Variants in F11R observed in about 807,000 individuals in gnomAD.
F11R encodes junctional adhesion molecule A.
A neutral mutation model predicts 39.3 loss-of-function variants in F11R; 27 were observed. The observed-to-expected ratio is 0.69, with a 90% confidence interval of 0.51 to 0.95. The LOEUF is 0.95. Ranked by LOEUF, F11R falls within the 40% of genes least tolerant of loss-of-function variation. The pLI is 0.00. For synonymous variants in F11R, 131 were observed against 144.9 expected, an observed-to-expected ratio of 0.90 and a Z score of 0.69; for missense variants, 335 against 372.7, an observed-to-expected ratio of 0.90 and a Z score of 0.83.
rs1648178251 is a variant in F11R, at chr1:160,997,164, C to T, written c.*1707G>A. On this transcript the variant is annotated 3_prime_UTR_variant, in exon 10 of 10. Transcript: ENST00000368026. Reference sequence around the variant, plus strand: ...TGGGGAGGAAGAAAGCAATGACAGCCAGGCTGTCCGGCTCATTCCTGTTCA... The same window carrying T: ...TGGGGAGGAAGAAAGCAATGACAGCTAGGCTGTCCGGCTCATTCCTGTTCA... The T allele has an allele frequency of 6.6e-6, 1 of 152,324 alleles. No individual in the cohort carries two copies. Among genetic ancestry groups the T allele is most frequent in the Non-Finnish European group, 1.5e-5 (1 of 68,038 alleles). The allele number at this position is 152,324 out of a possible 1,614,324, so 9.4% of individuals were successfully genotyped here. A position where few individuals can be genotyped will look rare whatever the true frequency, so the allele number is the denominator to read the frequency against.
chr1:161,003,138 T>C (rs2101972004), intron 1 of F11R, among the ~76,000 whole-genome samples: 1 of 150,226 alleles, frequency 6.7e-6, no homozygotes, highest in African/African-American at 2.4e-5. Flanking sequence ...TTTTTTTTTT[T>C]TTGAGACAGA....
chr1:161,011,845 A>G (rs1233858621), intron 1 of F11R, among the ~76,000 whole-genome samples: 1 of 152,204 alleles, frequency 6.6e-6, no homozygotes, highest in Non-Finnish European at 1.5e-5. Context: ...ATAGAATTAC[A>G]TGTGATTTTA....
chr1:161,000,107 G>C, intron 5 of F11R, 39 bp downstream of exon 5: 2 of 1,606,638 alleles, frequency 1.2e-6, no homozygotes, highest in Non-Finnish European at 1.7e-6. Context: ...TTCTATAACT[G>C]CATCCCCCAC....
intron 8 of F11R, 131 bp downstream of exon 8, chr1:160,999,265 G>A: frequency 6.9e-7 from 1 of 1,446,018 alleles, no homozygotes; most frequent in East Asian, 2.3e-5. Context: ...GAAAGGGCTG[G>A]ATATCCAAAT....
chr1:161,019,045 A>C lies in F11R; in HGVS notation c.64+1965T>G, dbSNP rs945278382. Among the ~76,000 whole-genome samples, 29 of 152,190 alleles carry C rather than the reference A, an allele frequency of 1.9e-4. 1 individual carries two copies. Among genetic ancestry groups the C allele is most frequent in the Admixed American group, 1.4e-3 (21 of 15,258 alleles). On this transcript the variant is annotated intron_variant, in intron 1 of 9. Transcript: ENST00000368026. ...AGGATAGGGAGTAAGCAGCTCCAGG[A>C]AGCTTTTAAGCCTGACAAATACTGT...
In F11R at chr1:161,001,177, C is replaced by T. The variant is rs920319197; in HGVS notation, c.134-50G>A. Reference sequence around the variant, plus strand: ...GAAGGAAGAAGCAGCAGCAAATACACGAGATGGGGAACAGCCCCAAACTGC... The same window carrying T: ...GAAGGAAGAAGCAGCAGCAAATACATGAGATGGGGAACAGCCCCAAACTGC... On this transcript the variant is annotated intron_variant, in intron 2 of 9. Transcript: ENST00000368026. 5.0e-6 allele frequency: 8 copies of T among 1,601,090 alleles called. No individual in the cohort carries two copies. The Admixed American group carries it at 5.0e-5, about 10-fold the overall frequency.
At position 161,021,114 on chromosome 1, in the gene F11R, T is replaced by G. The variant is rs1213834882; in HGVS notation, c.-41A>C. On this transcript the variant is annotated 5_prime_UTR_variant, in exon 1 of 10. Coordinates refer to ENST00000368026, the MANE Select transcript of F11R (RefSeq NM_016946.6). ...GACACAACAGCCGCCGAAGGACTCC[T>G]GGGAACAGACACAGCTCCGCGACTA... The G allele has an allele frequency of 6.3e-7, 1 of 1,578,200 alleles. No homozygotes were observed. Among genetic ancestry groups the G allele is most frequent in the South Asian group, 1.1e-5 (1 of 90,212 alleles).
intron 8 of F11R, 85 bp downstream of exon 8, chr1:160,999,311 C>T: frequency 6.3e-7 from 1 of 1,586,780 alleles, no homozygotes; most frequent in Non-Finnish European, 8.7e-7. Flanking sequence ...TGCCTTCAAC[C>T]CATTCCCCTA....
At position 160,999,408 on chromosome 1, in the gene F11R, C is replaced by A. The variant is rs1571005702; in HGVS notation, c.803G>T (p.Arg268Ile). The A allele has an allele frequency of 1.2e-6, 2 of 1,614,186 alleles. No individual in the cohort carries two copies. The highest frequency in any genetic ancestry group is 1.7e-6 in the Non-Finnish European group (2 of 1,180,036). The change falls in exon 8 of 10, where the codon AGA (arginine) becomes ATA (isoleucine). Residue 268 changes from arginine to isoleucine, a missense_variant and splice_region_variant. Arg to Ile is a moderately conservative substitution (Grantham distance 97). Coordinates refer to ENST00000368026, the MANE Select transcript of F11R (RefSeq NM_016946.6). ...WFAYSRGHFD[R>I]TKKGTSSKKV... The stretch of plus-strand genomic sequence containing the variant: ...GCACCTCACTCACCCTTTCTTTGTT[C>A]CTGAAAGAGAAGAAATGGGATCATG...
chr1:161,007,711 A>G (rs1170450284), intron 1 of F11R, among the ~76,000 whole-genome samples: 5 of 152,244 alleles, frequency 3.3e-5, no homozygotes, highest in African/African-American at 1.2e-4. Context: ...TCATCTGTTC[A>G]TAGGCCCTTC....
At chr1:161,000,897 G>A (rs776911393) in intron 3 of F11R, 120 bp from the exon 4 acceptor site, 24 of 1,480,860 alleles carry the variant, frequency 1.6e-5, no homozygotes, top group Middle Eastern at 1.8e-4. Context: ...GGGGTAGGAA[G>A]GCCATGAGGA....
Position 161,000,084 on chromosome 1 carries a change from C to T in F11R, c.591+62G>A. On this transcript the variant is annotated intron_variant, in intron 5 of 9. Coordinates refer to ENST00000368026, the MANE Select transcript of F11R (RefSeq NM_016946.6). ...TTCACCCTGTTGCCTGTTCTTCCTCCCACCTTTTGGGGTTCTATAACTGCA... is the reference window on the plus strand; with the variant it reads ...TTCACCCTGTTGCCTGTTCTTCCTCTCACCTTTTGGGGTTCTATAACTGCA... 2 of 1,603,772 alleles carry T rather than the reference C, an allele frequency of 1.2e-6. 1 individual carries two copies. The highest frequency in any genetic ancestry group is 2.2e-5 in the South Asian group (2 of 90,874).
At chr1:161,014,334 C>T (rs1027537742) in intron 1 of F11R, among the ~76,000 whole-genome samples, 4 of 152,116 alleles carry the variant, frequency 2.6e-5, no homozygotes, top group Admixed American at 6.6e-5. Flanking sequence ...TATGTGTCCA[C>T]AGAACAAGTG....
At chr1:160,999,466 G>A in intron 7 of F11R, 58 bp from the exon 8 acceptor site, 1 of 1,611,898 alleles carries the variant, frequency 6.2e-7, no homozygotes, top group Admixed American at 1.7e-5. Flanking sequence ...GCATGGCTTG[G>A]GAAGATGGAG....
Position 161,001,361 on chromosome 1 carries a change from G to A in F11R, c.65-8C>T, listed in dbSNP as rs377083455. On this transcript the variant is annotated splice_polypyrimidine_tract_variant and splice_region_variant and intron_variant, in intron 1 of 9. Transcript: ENST00000368026. ...TGCCCAATGCCAGGGAGCCTAAGGA[G>A]AAAGAAAGAGGTGGGCCCTGTCAGG... The A allele has an allele frequency of 6.2e-7, 1 of 1,613,020 alleles. No individual in the cohort carries two copies. Among genetic ancestry groups the A allele is most frequent in the Non-Finnish European group, 8.5e-7 (1 of 1,179,076 alleles).
Position 161,021,135 on chromosome 1 carries a change from G to A in F11R, c.-62C>T. ...CTCCTGGGAACAGACACAGCTCCGC[G>A]ACTACAGCGAGGGGACTGAGAGCCA... On this transcript the variant is annotated 5_prime_UTR_variant, in exon 1 of 10. Transcript: ENST00000368026. The A allele has an allele frequency of 1.3e-6, 2 of 1,487,616 alleles. No homozygotes were observed. The highest frequency in any genetic ancestry group is 2.3e-5 in the South Asian group (2 of 87,888). The allele number at this position is 1,487,616 out of a possible 1,614,324, so 92.2% of individuals were successfully genotyped here.
At chr1:161,005,282 C>T (rs1392084190) in intron 1 of F11R, among the ~76,000 whole-genome samples, 1 of 151,642 alleles carries the variant, frequency 6.6e-6, no homozygotes, top group Non-Finnish European at 1.5e-5. Context: ...CTTCCTCCCT[C>T]CTTCCTCCTT....
chr1:161,003,584 GT>G (rs996325036), intron 1 of F11R, among the ~76,000 whole-genome samples: 5 of 150,820 alleles, frequency 3.3e-5, no homozygotes, highest in African/African-American at 9.8e-5. Flanking sequence ...TTTTTCTTTT[GT>G]TTTTTTGTTG....
intron 1 of F11R, among the ~76,000 whole-genome samples, chr1:161,012,100 CAG>C (rs1220459100): frequency 1.3e-5 from 2 of 152,064 alleles, no homozygotes; most frequent in African/African-American, 4.8e-5. Context: ...ACACTTTGCA[CAG>C]AGGAGGTGCT....
Sources: gnomAD v4.1 joint callset for allele counts (sites outside exome capture counted in the v4.1 genomes callset) on GRCh38, gnomAD v4.1.1 for gene constraint, MANE v1.5 for transcripts, NCBI Gene and HGNC (gene_info 2026-07-23, HGNC 2026-07-21) for gene names.